Variants in PHACTR3 observed in about 807,000 individuals in gnomAD.
PHACTR3 encodes the protein phosphatase and actin regulator 3.
Under a neutral mutation model 66.8 loss-of-function variants are expected in PHACTR3, and 16 were observed. That is an observed-to-expected ratio of 0.24 (90% CI 0.16 to 0.36). PHACTR3 has a LOEUF of 0.36. Ranked by LOEUF, PHACTR3 falls within the 10% of genes least tolerant of loss-of-function variation. PHACTR3 has a pLI of 1.00. For missense variants in PHACTR3, 647 were observed against 719.9 expected (o/e 0.90, Z 1.16); for synonymous variants, 323 against 292.1 (o/e 1.11, Z -1.08).
chr20:59,773,846 G>T (rs2146894054), intron 6 of PHACTR3, among the ~76,000 whole-genome samples: 1 of 152,348 alleles, frequency 6.6e-6, no homozygotes, highest in South Asian at 2.1e-4. Context: ...GCCTGTGCCT[G>T]CAGCTTACTC....
intron 1 of PHACTR3, among the ~76,000 whole-genome samples, chr20:59,662,386 C>T (rs1268844998): frequency 2.0e-5 from 3 of 151,994 alleles, no homozygotes; most frequent in Non-Finnish European, 4.4e-5. Flanking sequence ...GGAGCATTCC[C>T]TAGATGAGGA....
intron 7 of PHACTR3, among the ~76,000 whole-genome samples, chr20:59,802,468 AC>A (rs2041441402): frequency 6.6e-6 from 1 of 152,150 alleles, no homozygotes; most frequent in African/African-American, 2.4e-5. Context: ...GAAGGGAGTG[AC>A]CGATGGTGTC....
intron 1 of PHACTR3, among the ~76,000 whole-genome samples, chr20:59,613,094 G>T (rs2033911334): frequency 6.6e-6 from 1 of 152,150 alleles, no homozygotes; most frequent in Admixed American, 6.5e-5. Flanking sequence ...CAACATTAGG[G>T]ATTCCATTTC....
intron 1 of PHACTR3, among the ~76,000 whole-genome samples, chr20:59,585,276 A>G (rs2032989863): frequency 1.3e-5 from 2 of 152,170 alleles, no homozygotes; most frequent in African/African-American, 2.4e-5. Flanking sequence ...GCCACGTTGC[A>G]AGAAGAACAT....
Position 59,577,523 on chromosome 20 carries a change from C to CG in PHACTR3, c.21dup (p.Arg8AlafsTer31). ...CCTCCGGCGGGATGCGTGGCCGTGG[C>CG]GGGGGGCGCGCCCGCTGTCCTGCGC... is the stretch of plus-strand genomic sequence containing the variant. On this transcript the variant is annotated frameshift_variant, in exon 1 of 13. Coordinates refer to the PHACTR3 transcript ENST00000359926. LOFTEE classifies it high-confidence loss of function. The CG allele has an allele frequency of 4.4e-6, 5 of 1,147,022 alleles. No individual in the cohort carries two copies. The highest frequency in any genetic ancestry group is 4.3e-6 in the Non-Finnish European group (4 of 934,318). The allele number at this position is 1,147,022 out of a possible 1,614,324, so 71.1% of individuals were successfully genotyped here. A position where few individuals can be genotyped will look rare whatever the true frequency, so the allele number is the denominator to read the frequency against.
chr20:59,602,758 G>C (rs971789317), upstream of PHACTR3, among the ~76,000 whole-genome samples: 1 of 152,174 alleles, frequency 6.6e-6, no homozygotes, highest in Non-Finnish European at 1.5e-5. Flanking sequence ...ACCCAGACTC[G>C]GAAGGGGCCC....
chr20:59,738,859 T>G lies in PHACTR3; in HGVS notation c.119-4248T>G, dbSNP rs2146749677. On this transcript the variant is annotated intron_variant, in intron 1 of 12. Transcript: ENST00000371015. This position sits in a 1 kb window ranked among gnomAD's most constrained non-coding sequence, Gnocchi z 4.4. ...ATCCCTGGAGATCTTCGTCTTCATC[T>G]TCAGCTGAGCTTGGAGGCTTGGGGA... is the stretch of plus-strand genomic sequence containing the variant. Among the ~76,000 whole-genome samples, 1 of 152,274 alleles carries G rather than the reference T, an allele frequency of 6.6e-6. No individual in the cohort carries two copies. Among genetic ancestry groups the G allele is most frequent in the Middle Eastern group, 3.4e-3 (1 of 294 alleles).
intron 1 of PHACTR3, among the ~76,000 whole-genome samples, chr20:59,655,110 A>G (rs1419297664): frequency 6.6e-6 from 1 of 152,058 alleles, no homozygotes; most frequent in Non-Finnish European, 1.5e-5. Context: ...AATTGCTGGA[A>G]CATAGGGTAG....
intron 1 of PHACTR3, among the ~76,000 whole-genome samples, chr20:59,667,589 G>T (rs936341671): frequency 5.3e-5 from 8 of 152,200 alleles, no homozygotes; most frequent in Non-Finnish European, 1.0e-4. Flanking sequence ...AGACAGAAGG[G>T]ATTTTTCTGA....
Position 59,806,118 on chromosome 20 carries a change from G to C in PHACTR3, c.1252G>C (p.Asp418His). 6.2e-7 allele frequency: 1 copy of C among 1,614,256 alleles called. No homozygotes were observed. The highest frequency in any genetic ancestry group is 1.3e-5 in the African/African-American group (1 of 75,072). ...RNRPSKQELE[D>H]RNIFPRRTDE... Reference sequence around the variant, plus strand: ...CCGGCCAAGCAAACAGGAACTAGAAGACCGGAACATTTTCCCCAGAAGGAC... The same window carrying C: ...CCGGCCAAGCAAACAGGAACTAGAACACCGGAACATTTTCCCCAGAAGGAC... Residue 418 changes from aspartate (D) to histidine (H), a missense_variant, in exon 8 of 13, where the codon GAC becomes CAC. Physicochemically the swap from Asp to His is moderately conservative, Grantham distance 81. Coordinates refer to ENST00000371015, the MANE Select transcript of PHACTR3 (RefSeq NM_080672.5).
intron 1 of PHACTR3, among the ~76,000 whole-genome samples, chr20:59,616,687 G>A (rs960845370): frequency 6.6e-6 from 1 of 152,232 alleles, no homozygotes; most frequent in Non-Finnish European, 1.5e-5. Context: ...GGGTTCCTTA[G>A]GGTTGCCTCT....
At chr20:59,721,895 A>G (rs1332380049) in intron 1 of PHACTR3, among the ~76,000 whole-genome samples, 2 of 151,294 alleles carry the variant, frequency 1.3e-5, no homozygotes, top group Non-Finnish European at 3.0e-5. Context: ...AAGAAAAGAA[A>G]TACACAAGAC....
intron 1 of PHACTR3, among the ~76,000 whole-genome samples, chr20:59,737,202 G>A (rs1344394069): frequency 3.9e-5 from 6 of 152,154 alleles, no homozygotes; most frequent in Non-Finnish European, 2.9e-5. Flanking sequence ...CCACTGGGGC[G>A]GCCCTCTGGA....
intron 1 of PHACTR3, among the ~76,000 whole-genome samples, chr20:59,727,319 T>C (rs1017276314): frequency 2.0e-5 from 3 of 152,134 alleles, no homozygotes; most frequent in Admixed American, 1.3e-4. Context: ...GGATAGACTA[T>C]ACTTGATGTG....
At chr20:59,667,819 C>G (rs771846708) in intron 1 of PHACTR3, among the ~76,000 whole-genome samples, 1 of 152,154 alleles carries the variant, frequency 6.6e-6, no homozygotes, top group Non-Finnish European at 1.5e-5. Flanking sequence ...ATGTGTGTCA[C>G]GAGAAGGGGC....
Position 59,737,479 on chromosome 20 carries a change from C to T in PHACTR3, c.119-5628C>T, listed in dbSNP as rs1043892543. On this transcript the variant is annotated intron_variant, in intron 1 of 12. Transcript: ENST00000371015. ...AAACAGGTAAACAAATGAGTGTGTG[C>T]GTGCATGTGCGTGTGTGTGTGTCTG... Among the ~76,000 whole-genome samples the T allele has an allele frequency of 1.2e-4, 18 of 151,400 alleles. 1 individual carries two copies. The highest frequency in any genetic ancestry group is 4.2e-4 in the South Asian group (2 of 4,786).
intron 1 of PHACTR3, among the ~76,000 whole-genome samples, chr20:59,607,592 A>G (rs2033712630): frequency 6.6e-6 from 1 of 152,242 alleles, no homozygotes; most frequent in South Asian, 2.1e-4. Flanking sequence ...AAGGTGAGCT[A>G]TGTTTTGACA....
At chr20:59,713,482 T>G (rs2037978074) in intron 1 of PHACTR3, among the ~76,000 whole-genome samples, 1 of 152,196 alleles carries the variant, frequency 6.6e-6, no homozygotes, top group Non-Finnish European at 1.5e-5. Context: ...GTTTTACTTG[T>G]TTTTGAGTCT....
In PHACTR3 at chr20:59,750,830, ACC is replaced by A. The variant is rs1235953613; in HGVS notation, c.358+2996_358+2997del. Among the ~76,000 whole-genome samples, 50 of 138,078 alleles carry A rather than the reference ACC, an allele frequency of 3.6e-4. 1 individual carries two copies. The highest frequency in any genetic ancestry group is 1.3e-3 in the African/African-American group (45 of 33,892). The allele number at this position is 138,078 out of a possible 152,430, so 90.6% of individuals were successfully genotyped here. On this transcript the variant is annotated intron_variant, in intron 3 of 12. Transcript: ENST00000371015. ...CTTTACTGTGTGCCACCTGTAATCA[ACC>A]TGTAATCAACGTGCTGTAATAACGG...
Sources: allele counts gnomAD v4.1 joint callset (sites outside exome capture counted in the v4.1 genomes callset), GRCh38; gene constraint gnomAD v4.1.1; non-coding constraint Gnocchi (gnomAD v3.1); transcripts MANE v1.5; gene names NCBI Gene and HGNC (gene_info 2026-07-23, HGNC 2026-07-21).